The following LRP1 variants were observed in gnomAD, a reference collection of about 807,000 sequenced individuals.
The protein encoded by LRP1 is LDL receptor related protein 1.
In LRP1, 51 loss-of-function variants were observed where a neutral mutation model predicts 541.5. That is an observed-to-expected ratio of 0.09 (90% CI 0.08 to 0.12). The LOEUF is 0.12. LRP1 is among the 10% of genes least tolerant of loss of function. The probability of loss-of-function intolerance (pLI) is 1.00; values close to 1 mark genes in which losing one functional copy is unlikely to be tolerated. For missense variants in LRP1, 3,878 were observed against 6,376.2 expected (o/e 0.61, Z 13.34); for synonymous variants, 2,219 against 2,470.8 (o/e 0.90, Z 3.02).
intron 19 of LRP1, 150 bp from the exon 20 acceptor site, chr12:57,168,990 T>C: frequency 1.5e-6 from 1 of 673,688 alleles, no homozygotes. Flanking sequence ...GTCTATGCAG[T>C]TTCTGTGTCT....
In LRP1 at chr12:57,195,514, G is replaced by A. The variant is rs558358028; in HGVS notation, c.8437+115G>A. 4.4e-5 allele frequency: 69 copies of A among 1,566,816 alleles called. No individual in the cohort carries two copies. The African/African-American group carries it at 7.0e-4, about 16-fold the overall frequency. ...TGCCTCAGCGGGGTCCACTGGGGGC[G>A]GAGCCATAGCTGTAGCCCAGGTGTC... On this transcript the variant is annotated intron_variant, in intron 52 of 88. Coordinates refer to ENST00000243077, the MANE Select transcript of LRP1 (RefSeq NM_002332.3).
chr12:57,208,911 G>A, intron 78 of LRP1, 94 bp downstream of exon 78: 1 of 1,207,146 alleles, frequency 8.3e-7, no homozygotes, highest in Non-Finnish European at 1.2e-6. Context: ...CAAGGGATGG[G>A]ATGGGGCTTG....
chr12:57,210,385 G>A lies in LRP1; in HGVS notation c.12659G>A (p.Cys4220Tyr). ...CTCAATGCACGGAGGCAGCCCAAGT[G>A]CCGCTGCCAACCCCGCTACACGGGT... Reference protein sequence around the residue: ...CFLNARRQPKCRCQPRYTGDK... With the variant: ...CFLNARRQPKYRCQPRYTGDK... The change falls in exon 82 of 89, where the codon TGC (cysteine) becomes TAC (tyrosine). Residue 4220 changes from cysteine (C) to tyrosine (Y), a missense_variant. Around this residue, in one of 13 missense-constraint regions of LRP1, gnomAD observed 871 missense variants for 1,212.4 expected, o/e 0.72. Transcript: ENST00000243077. 1 of 1,606,772 alleles carries A rather than the reference G, an allele frequency of 6.2e-7. No individual in the cohort carries two copies. Among genetic ancestry groups the A allele is most frequent in the Non-Finnish European group, 8.5e-7 (1 of 1,175,664 alleles).
Position 57,201,424 on chromosome 12 carries a change from G to A in LRP1, c.10346-73G>A, listed in dbSNP as rs757627845. The A allele has an allele frequency of 1.7e-4, 270 of 1,548,016 alleles. No individual in the cohort carries two copies. The highest frequency in any genetic ancestry group is 2.3e-4 in the Non-Finnish European group (262 of 1,142,438). ...AGGACCAAGGCCAGGGCTTGGAAGA[G>A]AGAGAAGACAGTGATGGTGAACTGG... On this transcript the variant is annotated intron_variant, in intron 65 of 88. Coordinates refer to ENST00000243077, the MANE Select transcript of LRP1 (RefSeq NM_002332.3). This position sits in a 1 kb window ranked among gnomAD's most constrained non-coding sequence, Gnocchi z 6.4.
chr12:57,163,350 A>G (rs2035775878), intron 15 of LRP1, among the ~76,000 whole-genome samples: 1 of 152,210 alleles, frequency 6.6e-6, no homozygotes. Context: ...AGGCCAAGGC[A>G]GGCTGATCAC....
At chr12:57,136,808 T>A (rs543784553) in intron 1 of LRP1, among the ~76,000 whole-genome samples, 1 of 152,320 alleles carries the variant, frequency 6.6e-6, no homozygotes, top group African/African-American at 2.4e-5. Context: ...CCTGGCCAAG[T>A]CACCTGGCTC....
intron 6 of LRP1, among the ~76,000 whole-genome samples, chr12:57,153,536 C>T (rs562001241): frequency 4.3e-4 from 65 of 152,234 alleles, no homozygotes; most frequent in African/African-American, 1.5e-3. Flanking sequence ...TGACTTATTC[C>T]CCACCTCTTC....
In LRP1 at chr12:57,191,005, G is replaced by T; in HGVS notation, c.7232G>T (p.Arg2411Leu). Residue 2411 changes from arginine (R) to leucine (L), a missense_variant, in exon 43 of 89, where the codon CGC becomes CTC. Physicochemically the swap from Arg to Leu is moderately radical, Grantham distance 102. Around this residue, in one of 13 missense-constraint regions of LRP1, gnomAD observed 1,100 missense variants for 1,827.4 expected, o/e 0.60. Coordinates refer to ENST00000243077, the MANE Select transcript of LRP1 (RefSeq NM_002332.3). ...IERCEYDGSHRYVILKSEPVH... is the reference protein window; with the variant it reads ...IERCEYDGSHLYVILKSEPVH... ...CGGTGCGAGTATGACGGCTCCCACC[G>T]CTATGTGAGTCTGCGGGGTGGGTGA... 1 of 1,609,798 alleles carries T rather than the reference G, an allele frequency of 6.2e-7. No homozygotes were observed.
rs2036197865 is a variant in LRP1, at chr12:57,183,071, C to T, written c.5663-308C>T. ...TCCCAGACTTTCCCTAAGGAACTTG[C>T]AGGGGTGCAGGGTTGGGTTGTGCTG... On this transcript the variant is annotated intron_variant, in intron 34 of 88. Coordinates refer to ENST00000243077, the MANE Select transcript of LRP1 (RefSeq NM_002332.3). The surrounding 1 kb of genome is among the most constrained non-coding windows in gnomAD (Gnocchi z 6.1). Among the ~76,000 whole-genome samples the T allele has an allele frequency of 6.6e-6, 1 of 151,810 alleles. No individual in the cohort carries two copies. The highest frequency in any genetic ancestry group is 1.5e-5 in the Non-Finnish European group (1 of 68,008).
intron 22 of LRP1, among the ~76,000 whole-genome samples, chr12:57,174,286 G>A (rs1378023267): frequency 2.0e-5 from 3 of 152,192 alleles, no homozygotes; most frequent in Non-Finnish European, 4.4e-5. Flanking sequence ...CCCCAGACTT[G>A]GGCCAAGGTA....
chr12:57,138,045 C>A (rs1028200335), intron 1 of LRP1, among the ~76,000 whole-genome samples: 1 of 152,078 alleles, frequency 6.6e-6, no homozygotes, highest in Non-Finnish European at 1.5e-5. Context: ...AAGACCAGCT[C>A]GGGGCCTCTA....
At chr12:57,188,192 A>T (rs1017740444) in intron 42 of LRP1, among the ~76,000 whole-genome samples, 4 of 152,288 alleles carry the variant, frequency 2.6e-5, no homozygotes, top group Admixed American at 1.3e-4. Flanking sequence ...GTTCACCCGC[A>T]GTCAGCCTGC....
intron 45 of LRP1, 102 bp downstream of exon 45, chr12:57,193,072 T>G (rs2136725378): frequency 6.3e-7 from 1 of 1,586,852 alleles, no homozygotes; most frequent in East Asian, 2.3e-5. Context: ...CAAAGCCTTT[T>G]GCCAAGAAGA....
chr12:57,211,417 C>T lies in LRP1; in HGVS notation c.13091+67C>T. On this transcript the variant is annotated intron_variant, in intron 84 of 88. Transcript: ENST00000243077. The surrounding 1 kb of genome is among the most constrained non-coding windows in gnomAD (Gnocchi z 4.3). ...CTGCCCTGTCCTAGCCCTGCCCTGC[C>T]CCTCCCTTCCTCAGCATCCCAGGCA... is the stretch of plus-strand genomic sequence containing the variant. 6.2e-6 allele frequency: 10 copies of T among 1,608,832 alleles called. No homozygotes were observed. Among genetic ancestry groups the T allele is most frequent in the South Asian group, 5.5e-5 (5 of 90,972 alleles).
At position 57,197,208 on chromosome 12, in the gene LRP1, T is replaced by A. The variant is rs373501632; in HGVS notation, c.9076+43T>A. On this transcript the variant is annotated intron_variant, in intron 56 of 88. Transcript: ENST00000243077. The surrounding 1 kb of genome is among the most constrained non-coding windows in gnomAD (Gnocchi z 4.5). ...AGGGCATGAGGTGACCCAGGCTGTG[T>A]GGGACTGCCCGGGTGGCAGAGCTCC... is the stretch of plus-strand genomic sequence containing the variant. 8 of 1,613,346 alleles carry A rather than the reference T, an allele frequency of 5.0e-6. No homozygotes were observed. The highest frequency in any genetic ancestry group is 6.8e-6 in the Non-Finnish European group (8 of 1,179,554).
intron 20 of LRP1, among the ~76,000 whole-genome samples, chr12:57,172,136 T>G (rs1431089141): frequency 6.7e-6 from 1 of 150,188 alleles, no homozygotes; most frequent in East Asian, 2.0e-4. Flanking sequence ...CTCGGCTCAC[T>G]GCAAGCTCTG....
In LRP1 at chr12:57,128,685, C is replaced by G. The variant is rs2034966882; in HGVS notation, c.-280C>G. The G allele has an allele frequency of 2.4e-6, 1 of 408,490 alleles. No individual in the cohort carries two copies. The highest frequency in any genetic ancestry group is 2.0e-5 in the African/African-American group (1 of 48,812). 25.3% of individuals were successfully genotyped at this position (408,490 alleles called of 1,614,324 possible). On this transcript the variant is annotated 5_prime_UTR_variant, in exon 1 of 89. Coordinates refer to ENST00000243077, the MANE Select transcript of LRP1 (RefSeq NM_002332.3). The stretch of plus-strand genomic sequence containing the variant: ...CCGAGATGGGGCTGTGAGCTTCGCC[C>G]GGGGAGGGGGAAAGAGCAGCGAGGA...
chr12:57,175,340 C>A, intron 22 of LRP1, 120 bp from the exon 23 acceptor site: 1 of 1,178,720 alleles, frequency 8.5e-7, no homozygotes, highest in Non-Finnish European at 1.2e-6. Context: ...CGAATGGGGC[C>A]GTGGGCAGGG....
Position 57,177,987 on chromosome 12 carries a change from C to T in LRP1, c.4362-372C>T, listed in dbSNP as rs1374183922. On this transcript the variant is annotated intron_variant, in intron 26 of 88. Coordinates refer to ENST00000243077, the MANE Select transcript of LRP1 (RefSeq NM_002332.3). The surrounding 1 kb of genome is among the most constrained non-coding windows in gnomAD (Gnocchi z 6.8). ...TTTTTGAGACAGAGTCTCGCTCCGT[C>T]GCCCAGGCTGGAGTGCAGTGGCGCG... Among the ~76,000 whole-genome samples, 10 of 147,188 alleles carry T rather than the reference C, an allele frequency of 6.8e-5. No individual in the cohort carries two copies. The highest frequency in any genetic ancestry group is 1.0e-4 in the Non-Finnish European group (7 of 67,336).
Sources: gnomAD v4.1 joint callset for allele counts (sites outside exome capture counted in the v4.1 genomes callset) on GRCh38, gnomAD v4.1.1 for gene constraint, gnomAD v4.1.1 regional missense constraint, Gnocchi (gnomAD v3.1) non-coding constraint, MANE v1.5 for transcripts, NCBI Gene and HGNC (gene_info 2026-07-23, HGNC 2026-07-21) for gene names.